VAPB: variants seen among roughly 807,000 people sequenced by gnomAD.
VAPB encodes the protein vesicle-associated membrane protein-associated protein B/C.
A neutral mutation model predicts 25.6 loss-of-function variants in VAPB; 7 were observed. The observed-to-expected ratio is 0.27, with a 90% confidence interval of 0.16 to 0.51. The LOEUF (loss-of-function observed/expected upper bound fraction) is 0.51. VAPB is among the 20% of genes least tolerant of loss of function. The probability of loss-of-function intolerance (pLI) is 0.97; values close to 1 mark genes in which losing one functional copy is unlikely to be tolerated. For missense variants in VAPB, 266 were observed against 301.3 expected, an observed-to-expected ratio of 0.88 and a Z score of 0.87; for synonymous variants, 112 against 109.2, an observed-to-expected ratio of 1.03 and a Z score of -0.16.
intron 1 of VAPB, among the ~76,000 whole-genome samples, chr20:58,416,569 C>A (rs868706351): frequency 1.3e-5 from 2 of 151,862 alleles, no homozygotes; most frequent in Non-Finnish European, 2.9e-5. Flanking sequence ...GAAACAAATA[C>A]GAAAATTGTT....
chr20:58,444,378 C>T lies in VAPB; in HGVS notation c.*143C>T, dbSNP rs536827851. 472 of 1,105,150 alleles carry T rather than the reference C, an allele frequency of 4.3e-4. No individual in the cohort carries two copies. In the African/African-American group the frequency reaches 6.3e-3, roughly 15 times the overall value. 68.5% of individuals were successfully genotyped at this position (1,105,150 alleles called of 1,614,324 possible). On this transcript the variant is annotated 3_prime_UTR_variant, in exon 6 of 6. Transcript: ENST00000475243. Reference sequence around the variant, plus strand: ...CCTTTAAATTACCCCTCCCTGCACACACATACACAGATACACACACACAAA... The same window carrying T: ...CCTTTAAATTACCCCTCCCTGCACATACATACACAGATACACACACACAAA...
intron 1 of VAPB, among the ~76,000 whole-genome samples, chr20:58,415,097 G>T (rs1382096719): frequency 7.4e-6 from 1 of 134,474 alleles, no homozygotes; most frequent in Non-Finnish European, 1.7e-5. Flanking sequence ...GCCTGCAATC[G>T]CAGGCACTCT....
At chr20:58,422,044 A>C (rs892576022) in intron 2 of VAPB, among the ~76,000 whole-genome samples, 7 of 152,344 alleles carry the variant, frequency 4.6e-5, no homozygotes, top group Admixed American at 3.9e-4. Flanking sequence ...ACAGTTGGAC[A>C]CAGGCATAAC....
chr20:58,421,212 G>A (rs916702404), intron 2 of VAPB, among the ~76,000 whole-genome samples: 3 of 152,152 alleles, frequency 2.0e-5, no homozygotes, highest in African/African-American at 7.2e-5. Flanking sequence ...GTAAGGTAGG[G>A]AGAATAGTGT....
intron 4 of VAPB, chr20:58,440,099 CCTCTTCCCAGTGTACATCCTGTCA>C (rs1989128914): frequency 6.6e-6 from 1 of 151,986 alleles, no homozygotes; most frequent in Non-Finnish European, 1.5e-5. Flanking sequence ...TCATTTTTTC[CCTCTTCCCAGTGTACATCCTGTCA>C]CAGGAAGGTC....
chr20:58,422,231 A>G (rs1156984635), intron 2 of VAPB, among the ~76,000 whole-genome samples: 3 of 152,188 alleles, frequency 2.0e-5, no homozygotes, highest in South Asian at 2.1e-4. Flanking sequence ...ATGAGGTCAC[A>G]TGGTAGATAG....
At chr20:58,434,419 C>T (rs1988994221) in intron 2 of VAPB, among the ~76,000 whole-genome samples, 183 bp from the exon 3 acceptor site, 2 of 152,122 alleles carry the variant, frequency 1.3e-5, no homozygotes, top group Admixed American at 1.3e-4. Context: ...TTTTGTGGCT[C>T]TTAGGTTGGT....
chr20:58,437,520 T>G (rs534506712), intron 3 of VAPB, among the ~76,000 whole-genome samples: 1 of 152,340 alleles, frequency 6.6e-6, no homozygotes, highest in East Asian at 1.9e-4. Flanking sequence ...CTGTGGTTAA[T>G]AGGTAATCTG....
chr20:58,410,169 C>A (rs1344310792), intron 1 of VAPB, among the ~76,000 whole-genome samples: 1 of 152,172 alleles, frequency 6.6e-6, no homozygotes, highest in Non-Finnish European at 1.5e-5. Flanking sequence ...CCACTGCCAA[C>A]ATCCTACACT....
intron 2 of VAPB, among the ~76,000 whole-genome samples, chr20:58,424,275 T>C (rs1375656915): frequency 6.6e-6 from 1 of 152,174 alleles, no homozygotes; most frequent in African/African-American, 2.4e-5. Flanking sequence ...CTGTTAACCC[T>C]GTCCTGGTTG....
At chr20:58,406,677 A>G (rs566094684) in intron 1 of VAPB, among the ~76,000 whole-genome samples, 1 of 152,170 alleles carries the variant, frequency 6.6e-6, no homozygotes, top group Non-Finnish European at 1.5e-5. Context: ...TCCACTAAAG[A>G]TGGAACACTT....
chr20:58,446,876 A>G lies in VAPB; in HGVS notation c.*2641A>G, dbSNP rs1399626436. 1 of 453,996 alleles carries G rather than the reference A, an allele frequency of 2.2e-6. No individual in the cohort carries two copies. Among genetic ancestry groups the G allele is most frequent in the South Asian group, 1.6e-5 (1 of 64,482 alleles). 28.1% of individuals were successfully genotyped at this position (453,996 alleles called of 1,614,324 possible). On this transcript the variant is annotated 3_prime_UTR_variant, in exon 6 of 6. Coordinates refer to ENST00000475243, the MANE Select transcript of VAPB (RefSeq NM_004738.5). ...TCCTGGAGGACTTGGAGATGCATGCACATTTAGGGTGTTTTCCCTAGAATT... is the reference window on the plus strand; with the variant it reads ...TCCTGGAGGACTTGGAGATGCATGCGCATTTAGGGTGTTTTCCCTAGAATT...
At position 58,439,384 on chromosome 20, in the gene VAPB, G is replaced by A. The variant is rs570012209; in HGVS notation, c.396+359G>A. 2.6e-5 allele frequency: 7 copies of A among 270,138 alleles called. No individual in the cohort carries two copies. In the East Asian group the frequency reaches 2.6e-4, roughly 10 times the overall value. 16.7% of individuals were successfully genotyped at this position (270,138 alleles called of 1,614,324 possible). On this transcript the variant is annotated intron_variant, in intron 4 of 5. Transcript: ENST00000475243. Reference sequence around the variant, plus strand: ...CCCTTTATCATGGTGGTTGATGGACGTGTGGGAAGCTTTCAAGTTCTCTTG... The same window carrying A: ...CCCTTTATCATGGTGGTTGATGGACATGTGGGAAGCTTTCAAGTTCTCTTG...
intron 1 of VAPB, among the ~76,000 whole-genome samples, chr20:58,414,988 C>T (rs1988502918): frequency 2.0e-5 from 3 of 152,388 alleles, no homozygotes; most frequent in African/African-American, 2.4e-5. Flanking sequence ...GTCGGGAGGC[C>T]GAGGCCGGCG....
At position 58,446,406 on chromosome 20, in the gene VAPB, G is replaced by A. The variant is rs1989293721; in HGVS notation, c.*2171G>A. On this transcript the variant is annotated 3_prime_UTR_variant, in exon 6 of 6. Transcript: ENST00000475243. ...GTCCCCAACAGTGCCTAGGGGTACA[G>A]TACAGTCCCATTACACTAGAGCAGG... 2.2e-6 allele frequency: 1 copy of A among 454,146 alleles called. No individual in the cohort carries two copies. Among genetic ancestry groups the A allele is most frequent in the Non-Finnish European group, 4.4e-6 (1 of 226,792 alleles). The allele number at this position is 454,146 out of a possible 1,614,324, so 28.1% of individuals were successfully genotyped here.
chr20:58,415,333 C>T lies in VAPB; in HGVS notation c.59-2878C>T, dbSNP rs571439160. On this transcript the variant is annotated intron_variant, in intron 1 of 5. Coordinates refer to ENST00000475243, the MANE Select transcript of VAPB (RefSeq NM_004738.5). The stretch of plus-strand genomic sequence containing the variant: ...AGTGCTGTTTCATAAGCATCTTCAG[C>T]AAACTCACACAAATGTTCACAGATG... Among the ~76,000 whole-genome samples, 3 of 152,344 alleles carry T rather than the reference C, an allele frequency of 2.0e-5. No individual in the cohort carries two copies. In the South Asian group the frequency reaches 6.2e-4, roughly 32 times the overall value.
intron 1 of VAPB, among the ~76,000 whole-genome samples, chr20:58,394,123 C>T (rs561287378): frequency 3.3e-5 from 5 of 152,228 alleles, no homozygotes; most frequent in Admixed American, 6.5e-5. Context: ...GATAGTCCTG[C>T]CATTAGTAGG....
intron 2 of VAPB, among the ~76,000 whole-genome samples, chr20:58,422,100 A>G (rs371735866): frequency 6.6e-6 from 1 of 152,320 alleles, no homozygotes; most frequent in African/African-American, 2.4e-5. Context: ...GCTTTCCCAA[A>G]GAGTTGCTTT....
intron 1 of VAPB, among the ~76,000 whole-genome samples, chr20:58,392,758 G>A (rs1166239182): frequency 6.6e-6 from 1 of 152,170 alleles, no homozygotes; most frequent in East Asian, 1.9e-4. Flanking sequence ...GATCGTATGG[G>A]ATTGTATATT....
Sources: gnomAD v4.1 joint callset for allele counts (sites outside exome capture counted in the v4.1 genomes callset) on GRCh38, gnomAD v4.1.1 for gene constraint, MANE v1.5 for transcripts, NCBI Gene and HGNC (gene_info 2026-07-23, HGNC 2026-07-21) for gene names.